Variants in PTPRD observed in about 807,000 individuals in gnomAD.
PTPRD encodes protein tyrosine phosphatase receptor type D.
PTPRD carries 34 observed loss-of-function variants against 214.5 expected under a neutral mutation model. The observed-to-expected ratio is 0.16, with a 90% confidence interval of 0.12 to 0.21. PTPRD has a LOEUF of 0.21. Ranked by LOEUF, PTPRD falls within the 10% of genes least tolerant of loss-of-function variation. The pLI is 1.00. For synonymous variants in PTPRD, 1,128 were observed against 845.7 expected (o/e 1.33, Z -5.79); for missense variants, 2,545 against 2,398.7 (o/e 1.06, Z -1.27).
At chr9:9,690,738 A>C (rs2097254884) in intron 7 of PTPRD, among the ~76,000 whole-genome samples, 1 of 151,794 alleles carries the variant, frequency 6.6e-6, no homozygotes. Flanking sequence ...TTGCCAATGT[A>C]CACTTTCAAC....
chr9:9,960,879 C>G (rs1245599053), intron 4 of PTPRD, among the ~76,000 whole-genome samples: 1 of 152,060 alleles, frequency 6.6e-6, no homozygotes, highest in Admixed American at 6.6e-5. Flanking sequence ...AGGCAACCTA[C>G]AGAATGGGAG....
intron 7 of PTPRD, among the ~76,000 whole-genome samples, chr9:9,681,638 C>A (rs971477731): frequency 6.6e-6 from 1 of 151,744 alleles, no homozygotes; most frequent in Non-Finnish European, 1.5e-5. Flanking sequence ...CACCAGATTG[C>A]GTCCCTTCTC....
chr9:8,352,940 G>A (rs922350301), intron 39 of PTPRD, among the ~76,000 whole-genome samples: 6 of 151,932 alleles, frequency 3.9e-5, no homozygotes, highest in Admixed American at 6.6e-5. Flanking sequence ...GTGAAACCCC[G>A]TCTCTACTAA....
chr9:10,312,984 CTA>C (rs2096310107), intron 3 of PTPRD, among the ~76,000 whole-genome samples: 1 of 151,910 alleles, frequency 6.6e-6, no homozygotes, highest in African/African-American at 2.4e-5. Flanking sequence ...GGTCCTGACA[CTA>C]TGAAAACATA....
chr9:9,492,647 G>C (rs1025041176), intron 8 of PTPRD, among the ~76,000 whole-genome samples: 9 of 151,126 alleles, frequency 6.0e-5, no homozygotes, highest in African/African-American at 2.2e-4. Context: ...TAGAAGGAAA[G>C]TATTCCAACA....
rs938557329 is a variant in PTPRD, at chr9:8,403,527, T to C, written c.4210+1010A>G. Among the ~76,000 whole-genome samples the C allele has an allele frequency of 5.3e-5, 8 of 152,318 alleles. 1 individual carries two copies. In the East Asian group the frequency reaches 1.5e-3, roughly 29 times the overall value. Reference sequence around the variant, plus strand: ...AATGTGCTCCTGTAGCCAGAGTAACTAATGAAATACTGTGTGTTGAAGATG... The same window carrying C: ...AATGTGCTCCTGTAGCCAGAGTAACCAATGAAATACTGTGTGTTGAAGATG... On this transcript the variant is annotated intron_variant, in intron 36 of 45. Transcript: ENST00000381196.
intron 10 of PTPRD, among the ~76,000 whole-genome samples, chr9:9,156,012 G>C (rs2099880878): frequency 6.6e-6 from 1 of 152,028 alleles, no homozygotes; most frequent in Admixed American, 6.6e-5. Context: ...GGCTATAACA[G>C]CTCCCCTACA....
chr9:10,216,109 C>A (rs769243801), intron 3 of PTPRD, among the ~76,000 whole-genome samples: 1 of 151,846 alleles, frequency 6.6e-6, no homozygotes, highest in Non-Finnish European at 1.5e-5. Flanking sequence ...CTAACACTGT[C>A]TTTATTTAAA....
intron 10 of PTPRD, among the ~76,000 whole-genome samples, chr9:9,124,987 A>C (rs180757832): frequency 6.6e-6 from 1 of 152,106 alleles, no homozygotes; most frequent in African/African-American, 2.4e-5. Flanking sequence ...TCCTCTCCCT[A>C]CCTTCCTTTT....
intron 8 of PTPRD, among the ~76,000 whole-genome samples, chr9:9,433,594 T>C (rs2084056509): frequency 6.6e-6 from 1 of 152,182 alleles, no homozygotes; most frequent in South Asian, 2.1e-4. Context: ...TAGAAACTTT[T>C]CCCTAACTTA....
intron 2 of PTPRD, among the ~76,000 whole-genome samples, chr9:10,535,289 T>C (rs1036694680): frequency 6.6e-6 from 1 of 152,184 alleles, no homozygotes; most frequent in Non-Finnish European, 1.5e-5. Context: ...TGTTATTTTG[T>C]TTCTGTTTGC....
In PTPRD at chr9:9,610,226, A is replaced by C. The variant is rs543466455; in HGVS notation, c.-286-35445T>G. 4.7e-3 allele frequency among the ~76,000 whole-genome samples: 720 copies of C among 152,286 alleles called. 5 individuals are homozygous for C. Among genetic ancestry groups the C allele is most frequent in the African/African-American group, 0.016 (676 of 41,548 alleles). On this transcript the variant is annotated intron_variant, in intron 7 of 45. Coordinates refer to ENST00000381196, the MANE Select transcript of PTPRD (RefSeq NM_002839.4). ...ACGATGAAAATGAGGATAATTACCC[A>C]CTCAGTCCTTGAACAACTACAACAT...
rs140779048 is a variant in PTPRD, at chr9:9,725,874, G to A, written c.-287+8659C>T. Among the ~76,000 whole-genome samples, 257 of 152,092 alleles carry A rather than the reference G, an allele frequency of 1.7e-3. 1 individual carries two copies. Among genetic ancestry groups the A allele is most frequent in the African/African-American group, 5.7e-3 (237 of 41,502 alleles). ...ACAAAACTTGGCTATGTCTCTAATC[G>A]TTGGATGTTTCATTCTCTCTCTGTC... On this transcript the variant is annotated intron_variant, in intron 7 of 45. Transcript: ENST00000381196.
intron 8 of PTPRD, among the ~76,000 whole-genome samples, chr9:9,461,458 T>C (rs1010090457): frequency 6.6e-6 from 1 of 152,072 alleles, no homozygotes; most frequent in Admixed American, 6.6e-5. Flanking sequence ...GGAGAAGATT[T>C]AATGGAATTA....
intron 9 of PTPRD, among the ~76,000 whole-genome samples, chr9:9,223,148 A>T (rs546497000): frequency 6.6e-6 from 1 of 152,150 alleles, no homozygotes; most frequent in African/African-American, 2.4e-5. Flanking sequence ...CTTGTTTATA[A>T]TATAGCTCTA....
At chr9:10,293,865 GA>G (rs757982533) in intron 3 of PTPRD, among the ~76,000 whole-genome samples, 7 of 151,900 alleles carry the variant, frequency 4.6e-5, no homozygotes, top group Non-Finnish European at 7.4e-5. Flanking sequence ...CTGATTTGTT[GA>G]AATGTTCTTA....
At chr9:8,993,036 AC>A (rs1465007612) in intron 11 of PTPRD, among the ~76,000 whole-genome samples, 2 of 152,190 alleles carry the variant, frequency 1.3e-5, no homozygotes, top group Non-Finnish European at 2.9e-5. Context: ...TTGACTAACT[AC>A]CAAAGATGGC....
At chr9:10,200,672 G>A (rs907275236) in intron 3 of PTPRD, among the ~76,000 whole-genome samples, 1 of 152,048 alleles carries the variant, frequency 6.6e-6, no homozygotes, top group East Asian at 1.9e-4. Context: ...GGGAGTTATT[G>A]CAGAAAGGAC....
chr9:9,817,629 T>C (rs1314335793), intron 5 of PTPRD, among the ~76,000 whole-genome samples: 1 of 152,186 alleles, frequency 6.6e-6, no homozygotes, highest in African/African-American at 2.4e-5. Context: ...GTTTCTTTCA[T>C]CTTATTTACA....
Sources: allele counts gnomAD v4.1 joint callset (sites outside exome capture counted in the v4.1 genomes callset), GRCh38; gene constraint gnomAD v4.1.1; transcripts MANE v1.5; gene names NCBI Gene and HGNC (gene_info 2026-07-23, HGNC 2026-07-21).